The following CLCN3 variants were observed in gnomAD, a reference collection of about 807,000 sequenced individuals.
CLCN3 encodes H(+)/Cl(-) exchange transporter 3.
CLCN3 carries 16 observed loss-of-function variants against 83.4 expected under a neutral mutation model. The ratio of observed to expected loss-of-function variants is 0.19; its 90% confidence interval spans 0.13 to 0.29. The LOEUF (loss-of-function observed/expected upper bound fraction) is 0.29, where lower values mean the gene tolerates loss of function less well. Among genes scored for constraint, CLCN3 ranks in the 10% least tolerant of loss-of-function variants. The pLI is 1.00. For synonymous variants in CLCN3, 322 were observed against 346.2 expected, an observed-to-expected ratio of 0.93 and a Z score of 0.78; for missense variants, 544 against 1,006.0, an observed-to-expected ratio of 0.54 and a Z score of 6.21.
chr4:169,669,345 G>A (rs548025457), intron 2 of CLCN3, among the ~76,000 whole-genome samples: 6 of 152,224 alleles, frequency 3.9e-5, no homozygotes, highest in African/African-American at 1.4e-4. Context: ...GTAGTATGTA[G>A]CCAGGTGTGG....
chr4:169,645,524 C>T lies in CLCN3; in HGVS notation c.160+9436C>T, dbSNP rs552186416. ...CTGAATTTAAACTTCCAGGTCATTC[C>T]GAGGTATATTTGTATATAGGATAGA... On this transcript the variant is annotated intron_variant, in intron 2 of 12. Coordinates refer to ENST00000513761, the MANE Select transcript of CLCN3 (RefSeq NM_001829.4). Among the ~76,000 whole-genome samples the T allele has an allele frequency of 4.6e-5, 7 of 152,070 alleles. No homozygotes were observed. The South Asian group carries it at 1.0e-3, about 23-fold the overall frequency.
At chr4:169,687,609 G>A (rs779702542) in intron 3 of CLCN3, 49 bp from the exon 4 acceptor site, 1 of 1,216,466 alleles carries the variant, frequency 8.2e-7, no homozygotes, top group Non-Finnish European at 1.2e-6. Flanking sequence ...TAGAACTGTG[G>A]CTTCTATTCA....
At chr4:169,668,729 G>A (rs1731345952) in intron 2 of CLCN3, among the ~76,000 whole-genome samples, 1 of 133,906 alleles carries the variant, frequency 7.5e-6, no homozygotes, top group East Asian at 2.0e-4. Context: ...AAAAGTTTTT[G>A]ATTTTTTTTT....
intron 12 of CLCN3, among the ~76,000 whole-genome samples, chr4:169,717,061 C>T (rs1404236354): frequency 1.3e-5 from 2 of 152,118 alleles, no homozygotes; most frequent in African/African-American, 2.4e-5. Flanking sequence ...CATGTATCCT[C>T]ATTATGAGAA....
chr4:169,696,413 T>C (rs187695928), intron 8 of CLCN3, among the ~76,000 whole-genome samples: 1 of 152,162 alleles, frequency 6.6e-6, no homozygotes, highest in African/African-American at 2.4e-5. Flanking sequence ...AATTTTTTTT[T>C]AATTTTTTTT....
At chr4:169,669,431 G>T (rs1197538834) in intron 2 of CLCN3, among the ~76,000 whole-genome samples, 2 of 152,164 alleles carry the variant, frequency 1.3e-5, no homozygotes, top group Non-Finnish European at 2.9e-5. Flanking sequence ...TGAGGCTACA[G>T]TGAGCTATGT....
intron 1 of CLCN3, among the ~76,000 whole-genome samples, chr4:169,622,334 G>A (rs567514443): frequency 2.3e-4 from 35 of 152,226 alleles, no homozygotes; most frequent in African/African-American, 8.4e-4. Flanking sequence ...TAGTAAATTG[G>A]CTATTTTCCA....
intron 1 of CLCN3, among the ~76,000 whole-genome samples, chr4:169,621,322 CT>C (rs1773107519): frequency 6.6e-6 from 1 of 151,862 alleles, no homozygotes; most frequent in Non-Finnish European, 1.5e-5. Context: ...AGAAGATTAA[CT>C]TTAAACTTAG....
intron 1 of CLCN3, among the ~76,000 whole-genome samples, chr4:169,634,336 G>A (rs1773453611): frequency 6.6e-6 from 1 of 152,178 alleles, no homozygotes; most frequent in Admixed American, 6.5e-5. Flanking sequence ...AAAACAGAGT[G>A]TCTGTGTTCT....
chr4:169,694,274 A>T (rs537191540), intron 7 of CLCN3, among the ~76,000 whole-genome samples: 7 of 152,172 alleles, frequency 4.6e-5, no homozygotes, highest in Non-Finnish European at 7.4e-5. Flanking sequence ...ATATTTACTC[A>T]GTCCTTAAGA....
chr4:169,713,114 A>G lies in CLCN3; in HGVS notation c.2185A>G (p.Ser729Gly), dbSNP rs1177114072. Reference protein sequence around the residue: ...ARKKQEGIVGSSRVCFAQHTP... With the variant: ...ARKKQEGIVGGSRVCFAQHTP... ...GAAAAAACAAGAAGGTATCGTTGGC[A>G]GTTCTCGGGTGTGTTTTGCACAGCA... The change falls in exon 12 of 13, where the codon AGT (serine) becomes GGT (glycine). Residue 729 changes from serine (S) to glycine (G), a missense_variant. Physicochemically the swap from Ser to Gly is moderately conservative, Grantham distance 56 (BLOSUM62 0). Around this residue, in one of 6 missense-constraint regions of CLCN3, gnomAD observed 142 missense variants for 225.0 expected, o/e 0.63. Coordinates refer to ENST00000513761, the MANE Select transcript of CLCN3 (RefSeq NM_001829.4). 6.2e-7 allele frequency: 1 copy of G among 1,614,200 alleles called. No individual in the cohort carries two copies. The highest frequency in any genetic ancestry group is 8.5e-7 in the Non-Finnish European group (1 of 1,180,032).
Position 169,689,269 on chromosome 4 carries a change from T to C in CLCN3, c.606+39T>C, listed in dbSNP as rs181670822. 1.3e-4 allele frequency: 194 copies of C among 1,535,686 alleles called. No homozygotes were observed. The East Asian group carries it at 3.6e-3, about 28-fold the overall frequency. On this transcript the variant is annotated intron_variant, in intron 5 of 12. Transcript: ENST00000513761. ...TGTCTCAAGATGAATTAATAATTGA[T>C]ATAGCAAAATGTTTCCAATTCATTT...
At chr4:169,685,166 A>G (rs1732106725) in intron 3 of CLCN3, among the ~76,000 whole-genome samples, 1 of 152,120 alleles carries the variant, frequency 6.6e-6, no homozygotes, top group African/African-American at 2.4e-5. Context: ...ACTTTGTTGT[A>G]AAGTCCCTTG....
Position 169,689,218 on chromosome 4 carries a change from A to T in CLCN3, c.594A>T (p.Ile198=). The T allele has an allele frequency of 6.2e-7, 1 of 1,611,610 alleles. No individual in the cohort carries two copies. The part of the protein sequence containing the change: ...PQWKTWAELI[I]GQAEGPGSYI... ...GGAAAACATGGGCAGAATTAATCAT[A>T]GGTCAAGCAGAGGTAAGTCTTGCTT... Residue 198 remains isoleucine (I), a synonymous_variant, in exon 5 of 13, where the codon ATA becomes ATT. Transcript: ENST00000513761.
intron 12 of CLCN3, among the ~76,000 whole-genome samples, chr4:169,714,996 A>G (rs796918704): frequency 3.3e-5 from 5 of 152,250 alleles, no homozygotes; most frequent in African/African-American, 1.2e-4. Flanking sequence ...GAGCCCTTTT[A>G]TTTGTTAAAT....
chr4:169,708,512 A>T (rs1433107516), intron 11 of CLCN3, among the ~76,000 whole-genome samples: 1 of 152,152 alleles, frequency 6.6e-6, no homozygotes, highest in Admixed American at 6.5e-5. Context: ...TTTTTTAGCC[A>T]TTACCATGGC....
chr4:169,704,655 A>G (rs183234334), intron 10 of CLCN3, among the ~76,000 whole-genome samples: 116 of 152,338 alleles, frequency 7.6e-4, no homozygotes, highest in Non-Finnish European at 3.1e-4. Context: ...TCCATCATCT[A>G]AGGTATATTT....
intron 2 of CLCN3, chr4:169,663,135 GTGTGTGTGTGTGTGTATATATA>G (rs1175696685): frequency 3.8e-5 from 4 of 106,522 alleles, no homozygotes; most frequent in African/African-American, 2.5e-4. Context: ...ATGTGTGTGT[GTGTGTGTGTGTGTGTATATATA>G]TGTGTGTGTG....
At chr4:169,664,352 A>T (rs888722348) in intron 2 of CLCN3, among the ~76,000 whole-genome samples, 2 of 152,172 alleles carry the variant, frequency 1.3e-5, no homozygotes, top group African/African-American at 4.8e-5. Context: ...GGTTTCTATT[A>T]TAATAGAGGT....
Sources: allele counts gnomAD v4.1 joint callset (sites outside exome capture counted in the v4.1 genomes callset), GRCh38; gene constraint gnomAD v4.1.1; regional missense constraint gnomAD v4.1.1; transcripts MANE v1.5; gene names NCBI Gene and HGNC (gene_info 2026-07-23, HGNC 2026-07-21).